The following NACC1 variants were observed in gnomAD, a reference collection of about 807,000 sequenced individuals.
NACC1 encodes the protein nucleus accumbens associated 1, also known as nucleus accumbens-associated protein 1.
A neutral mutation model predicts 41.7 loss-of-function variants in NACC1; 6 were observed. That is an observed-to-expected ratio of 0.14 (90% CI 0.08 to 0.28). NACC1 has a LOEUF of 0.28. NACC1 is among the 10% of genes least tolerant of loss of function. NACC1 has a pLI of 1.00. For missense variants in NACC1, 434 were observed against 763.7 expected, an observed-to-expected ratio of 0.57 and a Z score of 5.09; for synonymous variants, 338 against 330.6, an observed-to-expected ratio of 1.02 and a Z score of -0.24.
chr19:13,117,087 T>C (rs1052050085), upstream of NACC1: 2 of 152,386 alleles, frequency 1.3e-5, no homozygotes, highest in Non-Finnish European at 2.9e-5. Flanking sequence ...CTGGGCAGGT[T>C]ACTCCCGCGG....
At position 13,138,995 on chromosome 19, in the gene NACC1, A is replaced by AGGTGGCCGGCAGTGGCGTGCCT. The variant is rs1256532755; in HGVS notation, c.*594_*615dup. 6.5e-6 allele frequency: 1 copy of AGGTGGCCGGCAGTGGCGTGCCT among 153,412 alleles called. No individual in the cohort carries two copies. Among genetic ancestry groups the AGGTGGCCGGCAGTGGCGTGCCT allele is most frequent in the African/African-American group, 2.4e-5 (1 of 41,362 alleles). 9.5% of individuals were successfully genotyped at this position (153,412 alleles called of 1,614,324 possible). Reference sequence around the variant, plus strand: ...TCCGAGAAATTGCACAACCGACCTCAGGTGGCCGGCAGTGGCGTGCCTGGT... The same window carrying AGGTGGCCGGCAGTGGCGTGCCT: ...TCCGAGAAATTGCACAACCGACCTCAGGTGGCCGGCAGTGGCGTGCCTGGTGGCCGGCAGTGGCGTGCCTGGT... On this transcript the variant is annotated 3_prime_UTR_variant, in exon 6 of 6. Coordinates refer to ENST00000292431, the MANE Select transcript of NACC1 (RefSeq NM_052876.4). The surrounding 1 kb of genome is among the most constrained non-coding windows in gnomAD (Gnocchi z 5.7).
chr19:13,138,003 G>GCACGTAGTGTGGTGTC lies in NACC1; in HGVS notation c.1325-142_1325-127dup. ...AACTCAGTCCGGTGTAGGGTTGGGT[G>GCACGTAGTGTGGTGTC]CACGTAGTGTGGTGTCCTGGCCGCG... On this transcript the variant is annotated intron_variant, in intron 5 of 5. Coordinates refer to ENST00000292431, the MANE Select transcript of NACC1 (RefSeq NM_052876.4). This position sits in a 1 kb window ranked among gnomAD's most constrained non-coding sequence, Gnocchi z 5.7. 8.6e-7 allele frequency: 1 copy of GCACGTAGTGTGGTGTC among 1,159,470 alleles called. No individual in the cohort carries two copies. The highest frequency in any genetic ancestry group is 1.2e-6 in the Non-Finnish European group (1 of 814,150). The allele number at this position is 1,159,470 out of a possible 1,614,324, so 71.8% of individuals were successfully genotyped here. A position where few individuals can be genotyped will look rare whatever the true frequency, so the allele number is the denominator to read the frequency against.
At chr19:13,133,350 C>T (rs2019657429) in intron 1 of NACC1, among the ~76,000 whole-genome samples, 1 of 151,018 alleles carries the variant, frequency 6.6e-6, no homozygotes, top group Non-Finnish European at 1.5e-5. Context: ...AGTGAGACTC[C>T]ATCTCAAAAA....
rs1476971562 is a variant in NACC1 at position 13,136,347 on chromosome 19, C to T, written c.1062C>T (p.Arg354=). ...PAELINQIGN[R]CHPKLYDEGD... ...AACTTATCAACCAGATTGGGAACCGCTGCCACCCCAAGCTCTACGACGAGG... is the reference window on the plus strand; with the variant it reads ...AACTTATCAACCAGATTGGGAACCGTTGCCACCCCAAGCTCTACGACGAGG... Residue 354 remains arginine, a synonymous_variant, in exon 3 of 6, where the codon CGC becomes CGT. Coordinates refer to ENST00000292431, the MANE Select transcript of NACC1 (RefSeq NM_052876.4). The surrounding 1 kb of genome is among the most constrained non-coding windows in gnomAD (Gnocchi z 5.5). 3.1e-6 allele frequency: 5 copies of T among 1,614,154 alleles called. No homozygotes were observed. The East Asian group carries it at 8.9e-5, about 29-fold the overall frequency.
chr19:13,125,053 C>T (rs1287518791), intron 1 of NACC1, among the ~76,000 whole-genome samples: 2 of 151,786 alleles, frequency 1.3e-5, no homozygotes, highest in Non-Finnish European at 2.9e-5. Context: ...CCCAGCTACT[C>T]AGGAGGCTGA....
Position 13,137,693 on chromosome 19 carries a change from A to G in NACC1, c.1324+118A>G. 1.2e-6 allele frequency: 1 copy of G among 821,664 alleles called. No individual in the cohort carries two copies. Among genetic ancestry groups the G allele is most frequent in the African/African-American group, 1.7e-5 (1 of 58,006 alleles). 50.9% of individuals were successfully genotyped at this position (821,664 alleles called of 1,614,324 possible). A position where few individuals can be genotyped will look rare whatever the true frequency, so the allele number is the denominator to read the frequency against. On this transcript the variant is annotated intron_variant, in intron 5 of 5. Coordinates refer to ENST00000292431, the MANE Select transcript of NACC1 (RefSeq NM_052876.4). The surrounding 1 kb of genome is among the most constrained non-coding windows in gnomAD (Gnocchi z 6.1). ...AGTGTTGAGAAGCATTCTGGGGCTC[A>G]TTCTAGCCTTGCTGGGAAACCGGCT... is the stretch of plus-strand genomic sequence containing the variant.
rs2145625267 is a variant in NACC1, at chr19:13,137,209, T to C, written c.1121-62T>C. 1 of 1,510,010 alleles carries C rather than the reference T, an allele frequency of 6.6e-7. No homozygotes were observed. 93.5% of individuals were successfully genotyped at this position (1,510,010 alleles called of 1,614,324 possible). ...TGGGGTGTTCTGAGATGAGGCCTGG[T>C]ATCATGGGGGCTGTGGCGGTTTGGG... On this transcript the variant is annotated intron_variant, in intron 3 of 5. Coordinates refer to ENST00000292431, the MANE Select transcript of NACC1 (RefSeq NM_052876.4). The surrounding 1 kb of genome is among the most constrained non-coding windows in gnomAD (Gnocchi z 6.1).
chr19:13,128,683 G>T (rs758868765), intron 1 of NACC1, among the ~76,000 whole-genome samples: 7 of 152,236 alleles, frequency 4.6e-5, no homozygotes, highest in Non-Finnish European at 1.0e-4. Context: ...ACATTGATCT[G>T]TGTGACCAAG....
intron 1 of NACC1, among the ~76,000 whole-genome samples, chr19:13,125,270 A>G (rs994363351): frequency 1.3e-5 from 2 of 152,162 alleles, no homozygotes; most frequent in African/African-American, 4.8e-5. Context: ...GTGTCTAGTG[A>G]GGGCCCATCT....
chr19:13,137,367 T>C lies in NACC1; in HGVS notation c.1217T>C (p.Phe406Ser), dbSNP rs531044891. The change falls in exon 4 of 6, where the codon TTC becomes TCC. Residue 406 changes from phenylalanine (F) to serine (S), a missense_variant. Coordinates refer to ENST00000292431, the MANE Select transcript of NACC1 (RefSeq NM_052876.4). This position sits in a 1 kb window ranked among gnomAD's most constrained non-coding sequence, Gnocchi z 6.1. ...CTACTGCGGCGGCTCCTGGCCTCCTTCTTTGACCGGTAAGGCCCTTGCCAG... is the reference window on the plus strand; with the variant it reads ...CTACTGCGGCGGCTCCTGGCCTCCTCCTTTGACCGGTAAGGCCCTTGCCAG... ...KVLLRRLLAS[F>S]FDRNTLANSC... 4.4e-6 allele frequency: 7 copies of C among 1,592,190 alleles called. No homozygotes were observed. Among genetic ancestry groups the C allele is most frequent in the East Asian group, 2.3e-5 (1 of 43,340 alleles).
rs1224396404 is a variant in NACC1 at position 13,140,487 on chromosome 19, C to T, written c.*2081C>T. 1 of 152,212 alleles carries T rather than the reference C, an allele frequency of 6.6e-6. No individual in the cohort carries two copies. Among genetic ancestry groups the T allele is most frequent in the East Asian group, 1.9e-4 (1 of 5,168 alleles). 9.4% of individuals were successfully genotyped at this position (152,212 alleles called of 1,614,324 possible). On this transcript the variant is annotated 3_prime_UTR_variant, in exon 6 of 6. Transcript: ENST00000292431. The surrounding 1 kb of genome is among the most constrained non-coding windows in gnomAD (Gnocchi z 4.0). ...CCCACCCCCTTGTCCTGGGTAGGCC[C>T]CTGCCTGCCCCTCTCTGCCTTTTCC...
At chr19:13,124,693 C>T (rs1599984998) in intron 1 of NACC1, among the ~76,000 whole-genome samples, 1 of 152,196 alleles carries the variant, frequency 6.6e-6, no homozygotes, top group African/African-American at 2.4e-5. Flanking sequence ...CTGTGGGGCT[C>T]TCTGGGGCCT....
At chr19:13,133,378 T>C (rs540708780) in intron 1 of NACC1, among the ~76,000 whole-genome samples, 11 of 151,386 alleles carry the variant, frequency 7.3e-5, no homozygotes, top group Admixed American at 3.3e-4. Flanking sequence ...GAAAAAAGAA[T>C]AAACCCCACA....
intron 1 of NACC1, among the ~76,000 whole-genome samples, chr19:13,129,070 T>C (rs2019599038): frequency 6.6e-6 from 1 of 151,686 alleles, no homozygotes; most frequent in Non-Finnish European, 1.5e-5. Flanking sequence ...GTGGCCGGGG[T>C]GGGGCAGGAG....
intron 1 of NACC1, among the ~76,000 whole-genome samples, chr19:13,118,820 C>T (rs1167512804): frequency 9.4e-6 from 1 of 105,822 alleles, no homozygotes; most frequent in African/African-American, 3.6e-5. Flanking sequence ...GAGGAGGAGT[C>T]GGGCTCCGGC....
At chr19:13,120,035 C>T (rs1226514090) in intron 1 of NACC1, among the ~76,000 whole-genome samples, 2 of 152,328 alleles carry the variant, frequency 1.3e-5, no homozygotes, top group East Asian at 3.9e-4. Context: ...AGGAGCTCCT[C>T]GTTCTGGATT....
rs552117276 is a variant in NACC1, at chr19:13,138,506, G to A, written c.*100G>A. 7.4e-6 allele frequency: 11 copies of A among 1,492,094 alleles called. No homozygotes were observed. In the African/African-American group the frequency reaches 1.2e-4, roughly 17 times the overall value. 92.4% of individuals were successfully genotyped at this position (1,492,094 alleles called of 1,614,324 possible). On this transcript the variant is annotated 3_prime_UTR_variant, in exon 6 of 6. Coordinates refer to ENST00000292431, the MANE Select transcript of NACC1 (RefSeq NM_052876.4). This position sits in a 1 kb window ranked among gnomAD's most constrained non-coding sequence, Gnocchi z 5.7. Reference sequence around the variant, plus strand: ...TACTGTCTGTCCCTCCCCAGGACCCGCGGTGGGTGCTGCATGTTCCCGGCC... The same window carrying A: ...TACTGTCTGTCCCTCCCCAGGACCCACGGTGGGTGCTGCATGTTCCCGGCC...
chr19:13,119,078 G>C (rs1387407947), intron 1 of NACC1, among the ~76,000 whole-genome samples: 3 of 151,688 alleles, frequency 2.0e-5, no homozygotes, highest in Non-Finnish European at 4.4e-5. Context: ...GATGTGGGGA[G>C]GGGGAGGCTA....
chr19:13,138,080 C>T lies in NACC1; in HGVS notation c.1325-67C>T, dbSNP rs2019731910. ...GGGAGTCGCAGATGCTGTAGGGGAG[C>T]TGGTGAGTAGGCCTTGTGGGAGTCA... is the stretch of plus-strand genomic sequence containing the variant. On this transcript the variant is annotated intron_variant, in intron 5 of 5. Transcript: ENST00000292431. This position sits in a 1 kb window ranked among gnomAD's most constrained non-coding sequence, Gnocchi z 5.7. 1.0e-5 allele frequency: 16 copies of T among 1,580,776 alleles called. No individual in the cohort carries two copies. The South Asian group carries it at 1.9e-4, about 18-fold the overall frequency.
Sources: allele counts gnomAD v4.1 joint callset (sites outside exome capture counted in the v4.1 genomes callset), GRCh38; gene constraint gnomAD v4.1.1; non-coding constraint Gnocchi (gnomAD v3.1); transcripts MANE v1.5; gene names NCBI Gene and HGNC (gene_info 2026-07-23, HGNC 2026-07-21).